The following OXR1 variants were observed in gnomAD, a reference collection of about 807,000 sequenced individuals.
OXR1 encodes the protein oxidation resistance 1.
Under a neutral mutation model 104.6 loss-of-function variants are expected in OXR1, and 41 were observed. The observed-to-expected ratio is 0.39, with a 90% confidence interval of 0.31 to 0.51. The LOEUF is 0.51. Ranked by LOEUF, OXR1 falls within the 20% of genes least tolerant of loss-of-function variation. The pLI is 0.77. For synonymous variants in OXR1, 348 were observed against 348.4 expected (o/e 1.00, Z 0.01); for missense variants, 955 against 1,031.9 (o/e 0.93, Z 1.02).
At chr8:106,627,714 C>T (rs934405159) in intron 3 of OXR1, among the ~76,000 whole-genome samples, 2 of 151,884 alleles carry the variant, frequency 1.3e-5, no homozygotes, top group African/African-American at 2.4e-5. Flanking sequence ...ACTCTTTTTT[C>T]GGAGATGATT....
At chr8:106,560,740 G>A (rs1056387259) in intron 3 of OXR1, among the ~76,000 whole-genome samples, 3 of 152,156 alleles carry the variant, frequency 2.0e-5, no homozygotes, top group Non-Finnish European at 2.9e-5. Context: ...ATAGGAACAC[G>A]TCTGGTCTGC....
At chr8:106,457,948 A>G (rs1820691067) in intron 2 of OXR1, among the ~76,000 whole-genome samples, 1 of 152,188 alleles carries the variant, frequency 6.6e-6, no homozygotes, top group Admixed American at 6.5e-5. Flanking sequence ...AACTAGTTAT[A>G]GTAAAATGCG....
chr8:106,698,054 C>T (rs768370489), intron 7 of OXR1: 195 of 1,436,440 alleles, frequency 1.4e-4, no homozygotes, highest in Non-Finnish European at 1.9e-4. Context: ...TTCAAACGGG[C>T]TGGAGAGCGG....
At chr8:106,517,993 C>T (rs28404197) in intron 2 of OXR1, among the ~76,000 whole-genome samples, 19,159 of 152,060 alleles carry the variant, frequency 0.13, 1,505 homozygotes, top group East Asian at 0.24. Flanking sequence ...CCAAGGTCCA[C>T]GTCATGGGAA....
chr8:106,282,052 G>A (rs1383799936), intron 1 of OXR1, among the ~76,000 whole-genome samples: 5 of 151,922 alleles, frequency 3.3e-5, no homozygotes, highest in African/African-American at 1.2e-4. Flanking sequence ...CCAAACTTAT[G>A]TCAAGTTAAT....
intron 3 of OXR1, among the ~76,000 whole-genome samples, chr8:106,612,385 A>G (rs747939164): frequency 1.3e-5 from 2 of 152,150 alleles, no homozygotes; most frequent in Non-Finnish European, 2.9e-5. Context: ...AAGTACCTAA[A>G]CAATAACTTT....
intron 3 of OXR1, among the ~76,000 whole-genome samples, chr8:106,625,570 T>C (rs1332397349): frequency 6.6e-6 from 1 of 152,234 alleles, no homozygotes; most frequent in Non-Finnish European, 1.5e-5. Context: ...GGCTAGTTTA[T>C]AAATCATGTG....
intron 11 of OXR1, among the ~76,000 whole-genome samples, chr8:106,737,236 T>TA (rs1216428461): frequency 6.6e-6 from 1 of 152,080 alleles, no homozygotes; most frequent in Non-Finnish European, 1.5e-5. Flanking sequence ...GTTTTCTGTA[T>TA]AAAAAACTAT....
At chr8:106,272,291 C>G (rs536936228) in intron 1 of OXR1, 64 of 152,448 alleles carry the variant, frequency 4.2e-4, no homozygotes, top group African/African-American at 1.3e-3. Context: ...CTCCATCCAG[C>G]TTGCCATGTT....
At chr8:106,559,427 C>T (rs1464228466) in intron 3 of OXR1, among the ~76,000 whole-genome samples, 2 of 152,194 alleles carry the variant, frequency 1.3e-5, no homozygotes, top group Non-Finnish European at 2.9e-5. Context: ...ATAAAAATCT[C>T]TTCCAGCCTT....
intron 1 of OXR1, among the ~76,000 whole-genome samples, chr8:106,354,641 C>T (rs1489814066): frequency 6.6e-6 from 1 of 152,004 alleles, no homozygotes; most frequent in African/African-American, 2.4e-5. Context: ...TTTGGTTCTT[C>T]CAAGAACCAT....
At chr8:106,337,649 T>C (rs774241558) in intron 1 of OXR1, among the ~76,000 whole-genome samples, 3 of 152,222 alleles carry the variant, frequency 2.0e-5, no homozygotes, top group Non-Finnish European at 2.9e-5. Flanking sequence ...CAGAATGTGT[T>C]ATATGTAGTC....
At chr8:106,675,701 G>A (rs1587048055) in intron 3 of OXR1, among the ~76,000 whole-genome samples, 1 of 152,264 alleles carries the variant, frequency 6.6e-6, no homozygotes, top group Non-Finnish European at 1.5e-5. Flanking sequence ...CATTTGTTGA[G>A]GAGTGTTTTA....
chr8:106,724,325 C>T (rs1833126428), intron 11 of OXR1, among the ~76,000 whole-genome samples: 1 of 152,130 alleles, frequency 6.6e-6, no homozygotes, highest in Non-Finnish European at 1.5e-5. Flanking sequence ...TTGACATCTG[C>T]TTCAAATTCT....
intron 3 of OXR1, among the ~76,000 whole-genome samples, chr8:106,595,550 C>CAAAAAAAAAAA (rs67790797): frequency 6.8e-4 from 41 of 60,104 alleles, no homozygotes; most frequent in South Asian, 1.5e-3. Flanking sequence ...AACTCCGTCT[C>CAAAAAAAAAAA]AAAAAAAAAA....
chr8:106,740,516 A>G (rs1834830488), intron 14 of OXR1, 21 bp downstream of exon 14: 2 of 1,593,570 alleles, frequency 1.3e-6, no homozygotes, highest in Non-Finnish European at 1.7e-6. Flanking sequence ...CCAACTGCAT[A>G]GATTGCTTAT....
chr8:106,687,219 C>G (rs985896198), intron 6 of OXR1, among the ~76,000 whole-genome samples: 1 of 152,126 alleles, frequency 6.6e-6, no homozygotes, highest in African/African-American at 2.4e-5. Flanking sequence ...AGCTCCTTCC[C>G]TGTAAGGTTA....
chr8:106,747,813 C>A (rs1294812094), intron 16 of OXR1, among the ~76,000 whole-genome samples: 1 of 152,104 alleles, frequency 6.6e-6, no homozygotes, highest in Non-Finnish European at 1.5e-5. Flanking sequence ...ATTCAGGTTA[C>A]CTTGGAAAAA....
At chr8:106,383,676 C>T (rs942128498) in intron 2 of OXR1, among the ~76,000 whole-genome samples, 1 of 152,192 alleles carries the variant, frequency 6.6e-6, no homozygotes, top group African/African-American at 2.4e-5. Flanking sequence ...ACATAGCTCA[C>T]AGTCTGGTGA....
Sources: allele counts gnomAD v4.1 joint callset (sites outside exome capture counted in the v4.1 genomes callset), GRCh38; gene constraint gnomAD v4.1.1; transcripts MANE v1.5; gene names NCBI Gene and HGNC (gene_info 2026-07-23, HGNC 2026-07-21).